SRGAP2B: variants seen among roughly 807,000 people sequenced by gnomAD.
SRGAP2B encodes the protein SLIT-ROBO Rho GTPase-activating protein 2B.
A neutral mutation model predicts 22.2 loss-of-function variants in SRGAP2B; 9 were observed. The ratio of observed to expected loss-of-function variants is 0.41; its 90% CI spans 0.24 to 0.71. SRGAP2B has a LOEUF of 0.71. Ranked by LOEUF, SRGAP2B falls within the 30% of genes least tolerant of loss-of-function variation. SRGAP2B has a pLI of 0.35. For synonymous variants in SRGAP2B, 36 were observed against 87.4 expected (o/e 0.41, Z 3.28); for missense variants, 114 against 235.8 (o/e 0.48, Z 3.38).
chr1:144,987,134 C>A (rs1305082799), intron 3 of SRGAP2B, among the ~76,000 whole-genome samples: 1 of 152,150 alleles, frequency 6.6e-6, no homozygotes, highest in Non-Finnish European at 1.5e-5. Flanking sequence ...TCTTTGTGCA[C>A]CTGTGGCACT....
chr1:144,970,597 T>G (rs1668434557), intron 3 of SRGAP2B, among the ~76,000 whole-genome samples: 1 of 125,226 alleles, frequency 8.0e-6, no homozygotes, highest in Non-Finnish European at 1.6e-5. Context: ...TGTATACATA[T>G]GTAACTAACC....
intron 4 of SRGAP2B, among the ~76,000 whole-genome samples, chr1:144,954,115 G>A (rs1446465283): frequency 1.5e-3 from 218 of 143,278 alleles, no homozygotes; most frequent in African/African-American, 5.4e-3. Context: ...CAGCACAGCC[G>A]GGCTACTAAT....
rs1672681737 is a variant in SRGAP2B, at chr1:145,020,057, T to C, written c.68-24857A>G. On this transcript the variant is annotated intron_variant, in intron 2 of 9. Transcript: ENST00000612199. Reference sequence around the variant, plus strand: ...GGCTTACACTCTTACCTCCTTTAAATTTTTGCACAAATGTGACCTATTCCA... The same window carrying C: ...GGCTTACACTCTTACCTCCTTTAAACTTTTGCACAAATGTGACCTATTCCA... Among the ~76,000 whole-genome samples, 4 of 149,516 alleles carry C rather than the reference T, an allele frequency of 2.7e-5. No individual in the cohort carries two copies. The South Asian group carries it at 6.3e-4, about 24-fold the overall frequency.
At chr1:144,965,208 A>C in intron 3 of SRGAP2B, 1 of 947,240 alleles carries the variant, frequency 1.1e-6, no homozygotes. Context: ...CTCCAGCGTG[A>C]GCGACACAGA....
intron 4 of SRGAP2B, among the ~76,000 whole-genome samples, chr1:144,937,579 GTCT>G (rs1260929690): frequency 1.6e-5 from 2 of 122,286 alleles, no homozygotes; most frequent in East Asian, 2.1e-4. Context: ...TCATCATTGA[GTCT>G]TCTTCTCTCT....
intron 4 of SRGAP2B, among the ~76,000 whole-genome samples, chr1:144,920,425 A>C (rs1272828040): frequency 1.3e-5 from 2 of 150,632 alleles, no homozygotes; most frequent in East Asian, 3.9e-4. Flanking sequence ...GATGTGTACA[A>C]ACACGCTGGT....
At chr1:145,061,631 A>T (rs1213071211) in intron 2 of SRGAP2B, among the ~76,000 whole-genome samples, 2 of 150,162 alleles carry the variant, frequency 1.3e-5, no homozygotes, top group African/African-American at 2.5e-5. Context: ...TCTGTCGCCC[A>T]GACTGGAGTG....
intron 4 of SRGAP2B, among the ~76,000 whole-genome samples, chr1:144,954,592 C>T (rs1334556674): frequency 1.3e-5 from 2 of 150,570 alleles, no homozygotes; most frequent in Non-Finnish European, 2.9e-5. Context: ...TGGTTGGGGC[C>T]TTCACCGCTG....
intron 4 of SRGAP2B, among the ~76,000 whole-genome samples, chr1:144,951,101 G>A (rs1666818439): frequency 6.6e-6 from 1 of 150,802 alleles, no homozygotes; most frequent in Non-Finnish European, 1.5e-5. Flanking sequence ...GCCCACCTTG[G>A]CCTCCCAAAG....
intron 2 of SRGAP2B, among the ~76,000 whole-genome samples, chr1:145,070,141 C>T (rs1236074641): frequency 6.7e-6 from 1 of 148,258 alleles, no homozygotes. Flanking sequence ...TTTTGTTTAC[C>T]CTAATTTATC....
At chr1:144,971,425 C>T (rs1229098213) in intron 3 of SRGAP2B, among the ~76,000 whole-genome samples, 1 of 150,300 alleles carries the variant, frequency 6.7e-6, no homozygotes, top group Non-Finnish European at 1.5e-5. Flanking sequence ...ACCACCGCAC[C>T]CGGCCCATAC....
intron 3 of SRGAP2B, among the ~76,000 whole-genome samples, chr1:144,963,798 A>C (rs1553611653): frequency 1.3e-5 from 2 of 152,072 alleles, no homozygotes; most frequent in African/African-American, 4.8e-5. Context: ...CTTAAGAGCA[A>C]GCATCTCTCT....
intron 4 of SRGAP2B, among the ~76,000 whole-genome samples, chr1:144,942,686 C>T (rs587731017): frequency 6.6e-6 from 1 of 151,470 alleles, no homozygotes; most frequent in Non-Finnish European, 1.5e-5. Flanking sequence ...TCCCAAAGTG[C>T]TGGGATTACA....
chr1:145,062,984 A>G (rs1651082711), intron 2 of SRGAP2B, among the ~76,000 whole-genome samples: 1 of 149,790 alleles, frequency 6.7e-6, no homozygotes, highest in East Asian at 1.9e-4. Context: ...AAATAGAGTA[A>G]GTCGTATTAA....
chr1:145,017,285 G>A (rs1399798709), intron 2 of SRGAP2B, among the ~76,000 whole-genome samples: 2 of 150,272 alleles, frequency 1.3e-5, no homozygotes, highest in Admixed American at 6.6e-5. Context: ...TAAAAAAAAT[G>A]GTTTTAAATT....
intron 2 of SRGAP2B, among the ~76,000 whole-genome samples, chr1:145,000,681 ATCT>A (rs1353105810): frequency 9.0e-5 from 13 of 144,560 alleles, no homozygotes; most frequent in African/African-American, 3.3e-4. Flanking sequence ...TTCAAAATTC[ATCT>A]TCTTCTTCAG....
chr1:144,978,916 G>C (rs1669092903), intron 3 of SRGAP2B, among the ~76,000 whole-genome samples: 1 of 150,416 alleles, frequency 6.6e-6, no homozygotes, highest in African/African-American at 2.5e-5. Context: ...TAAAGTAGAA[G>C]GTTTCCTAAG....
At chr1:144,941,813 C>T (rs1285104593) in intron 4 of SRGAP2B, among the ~76,000 whole-genome samples, 1 of 149,730 alleles carries the variant, frequency 6.7e-6, no homozygotes, top group Non-Finnish European at 1.5e-5. Context: ...GTTACTCTCT[C>T]TCTGGACAAG....
intron 2 of SRGAP2B, among the ~76,000 whole-genome samples, chr1:145,017,506 C>A (rs1553623433): frequency 6.7e-6 from 1 of 149,814 alleles, no homozygotes. Flanking sequence ...TATCCCAGTT[C>A]TTTATTATTA....
Sources: allele counts gnomAD v4.1 joint callset (sites outside exome capture counted in the v4.1 genomes callset), GRCh38; gene constraint gnomAD v4.1.1; transcripts MANE v1.5; gene names NCBI Gene and HGNC (gene_info 2026-07-23, HGNC 2026-07-21).